Variants in LUZP1 observed in about 807,000 individuals in gnomAD.
LUZP1 encodes the protein filamin mechanobinding actin cross-linking protein.
In LUZP1, 25 loss-of-function variants were observed where a neutral mutation model predicts 71.3. That is an observed-to-expected ratio of 0.35 (90% CI 0.26 to 0.49). The LOEUF (loss-of-function observed/expected upper bound fraction) is 0.49. Among genes scored for constraint, LUZP1 ranks in the 20% least tolerant of loss-of-function variants. The pLI, the probability that LUZP1 is intolerant of heterozygous loss-of-function variation, is 0.99. For synonymous variants in LUZP1, 481 were observed against 506.4 expected, an observed-to-expected ratio of 0.95 and a Z score of 0.67; for missense variants, 1,142 against 1,300.8, an observed-to-expected ratio of 0.88 and a Z score of 1.88.
chr1:23,137,122 A>G (rs1206890778), intron 2 of LUZP1, among the ~76,000 whole-genome samples: 7 of 152,176 alleles, frequency 4.6e-5, no homozygotes, highest in Non-Finnish European at 7.4e-5. Flanking sequence ...GCAATTAAAT[A>G]AAAAAACCCA....
At chr1:23,174,889 T>C (rs907600746) in intron 1 of LUZP1, among the ~76,000 whole-genome samples, 5 of 152,196 alleles carry the variant, frequency 3.3e-5, no homozygotes, top group Admixed American at 3.3e-4. Context: ...CCTCTATTCC[T>C]TTCCTCCCTC....
At chr1:23,117,484 C>G (rs1194123955) in intron 2 of LUZP1, among the ~76,000 whole-genome samples, 3 of 37,128 alleles carry the variant, frequency 8.1e-5, no homozygotes, top group East Asian at 6.9e-4. Flanking sequence ...TCTCCCCCCC[C>G]CCCCCCCACA....
intron 1 of LUZP1, among the ~76,000 whole-genome samples, chr1:23,172,384 C>A (rs868687228): frequency 1.3e-5 from 2 of 152,018 alleles, no homozygotes; most frequent in African/African-American, 4.8e-5. Flanking sequence ...ATAGGCCAGG[C>A]GCAGTGGCTC....
downstream of LUZP1, chr1:23,083,717 A>C (rs1643692927): frequency 5.9e-6 from 1 of 170,838 alleles, no homozygotes; most frequent in Admixed American, 6.1e-5. Context: ...TTTGAGTTGG[A>C]GTTACATACA....
At chr1:23,109,769 T>C (rs1186663043) in intron 2 of LUZP1, 1 of 152,104 alleles carries the variant, frequency 6.6e-6, no homozygotes, top group African/African-American at 2.4e-5. Context: ...CATGCAAATA[T>C]TTTTTTTAAA....
At chr1:23,121,594 C>CCTGT (rs1416454264) in intron 2 of LUZP1, among the ~76,000 whole-genome samples, 1 of 152,128 alleles carries the variant, frequency 6.6e-6, no homozygotes, top group Non-Finnish European at 1.5e-5. Context: ...GTGGCACACA[C>CCTGT]CTGTGGTCCC....
intron 1 of LUZP1, among the ~76,000 whole-genome samples, chr1:23,177,074 G>A (rs930244553): frequency 2.0e-5 from 1 of 49,434 alleles, no homozygotes; most frequent in Non-Finnish European, 4.0e-5. Flanking sequence ...TAAGGATGAT[G>A]GGGGGGGGGT....
exon 4 of LUZP1, chr1:23,091,323 G>A: frequency 6.2e-7 from 1 of 1,614,098 alleles, no homozygotes; most frequent in Non-Finnish European, 8.5e-7. Context: ...CCCTGAACTT[G>A]GTCCTACCCT....
intron 2 of LUZP1, among the ~76,000 whole-genome samples, chr1:23,134,647 G>T (rs1396989417): frequency 6.6e-6 from 1 of 152,108 alleles, no homozygotes; most frequent in African/African-American, 2.4e-5. Context: ...CTGGCATGGT[G>T]GCGCACGCCT....
At chr1:23,131,859 T>C (rs1474601602) in intron 2 of LUZP1, among the ~76,000 whole-genome samples, 1 of 152,168 alleles carries the variant, frequency 6.6e-6, no homozygotes, top group African/African-American at 2.4e-5. Context: ...CTAATTTTTG[T>C]ATTTTTAGTA....
At chr1:23,144,128 A>G (rs567444717) in intron 2 of LUZP1, among the ~76,000 whole-genome samples, 1 of 152,380 alleles carries the variant, frequency 6.6e-6, no homozygotes, top group African/African-American at 2.4e-5. Context: ...CTACAGCCAG[A>G]GAAATGCTAG....
chr1:23,160,221 A>T (rs550279625), intron 2 of LUZP1, among the ~76,000 whole-genome samples: 1 of 152,328 alleles, frequency 6.6e-6, no homozygotes, highest in South Asian at 2.1e-4. Context: ...CCTTTAACAC[A>T]AGAGGAAGAG....
intron 1 of LUZP1, among the ~76,000 whole-genome samples, chr1:23,173,198 A>G (rs1273724063): frequency 6.6e-6 from 1 of 151,828 alleles, no homozygotes; most frequent in Admixed American, 6.6e-5. Context: ...TGGAGGCTAC[A>G]GTGAGCTATG....
intron 2 of LUZP1, among the ~76,000 whole-genome samples, chr1:23,142,127 T>C (rs1001590884): frequency 9.2e-5 from 14 of 152,086 alleles, no homozygotes; most frequent in African/African-American, 3.4e-4. Context: ...ATTACAGGCA[T>C]GAGCCACCGC....
At chr1:23,098,471 G>T (rs1319401928) in intron 3 of LUZP1, among the ~76,000 whole-genome samples, 1 of 152,190 alleles carries the variant, frequency 6.6e-6, no homozygotes, top group Admixed American at 6.5e-5. Context: ...GGAGTAGGGA[G>T]AAGTAGAGAA....
intron 2 of LUZP1, among the ~76,000 whole-genome samples, chr1:23,160,752 C>G (rs1006385104): frequency 6.6e-6 from 1 of 152,204 alleles, no homozygotes. Flanking sequence ...GATCGAGAAG[C>G]TTCCAGTCAA....
At chr1:23,169,609 G>A (rs1465742816) in intron 1 of LUZP1, among the ~76,000 whole-genome samples, 1 of 152,118 alleles carries the variant, frequency 6.6e-6, no homozygotes, top group Admixed American at 6.5e-5. Flanking sequence ...TTTAAAATGG[G>A]AAGGGGGAAT....
At chr1:23,121,933 A>C (rs1208728040) in intron 2 of LUZP1, among the ~76,000 whole-genome samples, 4 of 151,950 alleles carry the variant, frequency 2.6e-5, no homozygotes, top group Non-Finnish European at 5.9e-5. Context: ...AATTGCTTGA[A>C]CCCAGGAGGC....
At chr1:23,154,531 CCT>C (rs1477557068) in intron 2 of LUZP1, among the ~76,000 whole-genome samples, 1 of 150,736 alleles carries the variant, frequency 6.6e-6, no homozygotes, top group Non-Finnish European at 1.5e-5. Context: ...AGAGTAAGAC[CCT>C]GTCTTCTTTT....
Sources: gnomAD v4.1 joint callset for allele counts (sites outside exome capture counted in the v4.1 genomes callset) on GRCh38, gnomAD v4.1.1 for gene constraint, MANE v1.5 for transcripts, NCBI Gene and HGNC (gene_info 2026-07-23, HGNC 2026-07-21) for gene names.